Variants in NKAIN2 observed in about 807,000 individuals in gnomAD.
The protein encoded by NKAIN2 is sodium/potassium transporting ATPase interacting 2, also known as sodium/potassium-transporting ATPase subunit beta-1-interacting protein 2.
In NKAIN2, 14 loss-of-function variants were observed where a neutral mutation model predicts 32.6. The observed-to-expected ratio is 0.43, with a 90% CI of 0.28 to 0.67. The LOEUF is 0.67. Ranked by LOEUF, NKAIN2 falls within the 30% of genes least tolerant of loss-of-function variation. The pLI, the probability that NKAIN2 is intolerant of heterozygous loss-of-function variation, is 0.17. For synonymous variants in NKAIN2, 80 were observed against 87.2 expected (o/e 0.92, Z 0.46); for missense variants, 198 against 258.3 (o/e 0.77, Z 1.60).
intron 1 of NKAIN2, among the ~76,000 whole-genome samples, chr6:124,049,417 A>C (rs2114829211): frequency 6.6e-6 from 1 of 152,090 alleles, no homozygotes; most frequent in Non-Finnish European, 1.5e-5. Flanking sequence ...CCAGATGTTT[A>C]GAGCTCCCCC....
At chr6:123,915,108 T>C (rs956165917) in intron 1 of NKAIN2, among the ~76,000 whole-genome samples, 2 of 152,194 alleles carry the variant, frequency 1.3e-5, no homozygotes, top group Non-Finnish European at 2.9e-5. Context: ...GGTTAGGAGA[T>C]ATAATTGGAG....
At chr6:124,770,701 C>A (rs1029712599) in intron 4 of NKAIN2, among the ~76,000 whole-genome samples, 25 of 152,000 alleles carry the variant, frequency 1.6e-4, no homozygotes, top group Non-Finnish European at 7.4e-5. Context: ...TTCATTATTT[C>A]ACTTCTTATG....
In NKAIN2 at chr6:124,283,124, A is replaced by G. The variant is rs750231462; in HGVS notation, c.174A>G (p.Arg58=). Residue 58 remains arginine (R), a synonymous_variant, in exon 2 of 7, where the codon AGA becomes AGG. Transcript: ENST00000368417. ...ILGLFGTIQY[R]PRYITGYAVW... is the part of the protein sequence containing the mutation. ...GTTTGTTTGGAACTATTCAATATAG[A>G]CCTCGTTACATAACAGGAGTAAGTA... is the stretch of plus-strand genomic sequence containing the variant. 6.2e-7 allele frequency: 1 copy of G among 1,607,922 alleles called. No individual in the cohort carries two copies. The highest frequency in any genetic ancestry group is 8.5e-7 in the Non-Finnish European group (1 of 1,174,520).
chr6:124,276,831 G>A (rs1422700370), intron 1 of NKAIN2, among the ~76,000 whole-genome samples: 2 of 152,150 alleles, frequency 1.3e-5, no homozygotes, highest in African/African-American at 2.4e-5. Context: ...GAGCAGACAG[G>A]CCCAGAGCGT....
chr6:123,843,357 C>T (rs1219779717), intron 1 of NKAIN2, among the ~76,000 whole-genome samples: 2 of 152,100 alleles, frequency 1.3e-5, no homozygotes, highest in Admixed American at 1.3e-4. Context: ...AGATAATCTT[C>T]CCCTGGAGTT....
intron 3 of NKAIN2, among the ~76,000 whole-genome samples, chr6:124,385,917 T>C (rs1279333098): frequency 6.6e-6 from 1 of 152,170 alleles, no homozygotes; most frequent in Non-Finnish European, 1.5e-5. Context: ...ATATAGACTT[T>C]ATTTCTCAGC....
At chr6:124,805,690 C>T (rs923755830) in intron 5 of NKAIN2, among the ~76,000 whole-genome samples, 10 of 151,838 alleles carry the variant, frequency 6.6e-5, no homozygotes, top group East Asian at 1.9e-4. Context: ...GATCAAACTA[C>T]GAGCTACAGG....
intron 1 of NKAIN2, among the ~76,000 whole-genome samples, chr6:123,955,858 C>T (rs1366019106): frequency 2.0e-5 from 3 of 152,062 alleles, no homozygotes; most frequent in Admixed American, 6.6e-5. Context: ...AAATTCCTGA[C>T]CTCCAGCAGT....
At chr6:123,882,377 T>A (rs1562237113) in intron 1 of NKAIN2, among the ~76,000 whole-genome samples, 1 of 152,148 alleles carries the variant, frequency 6.6e-6, no homozygotes, top group Admixed American at 6.5e-5. Flanking sequence ...TAATGTCCTT[T>A]CAAACCACCC....
chr6:124,800,840 T>G (rs1434129952), intron 5 of NKAIN2, among the ~76,000 whole-genome samples: 1 of 152,136 alleles, frequency 6.6e-6, no homozygotes, highest in African/African-American at 2.4e-5. Flanking sequence ...TGCATTTGCT[T>G]GTTTGTTTGT....
chr6:124,567,795 CTT>C (rs1010375220), intron 3 of NKAIN2, among the ~76,000 whole-genome samples: 1 of 151,974 alleles, frequency 6.6e-6, no homozygotes, highest in Non-Finnish European at 1.5e-5. Flanking sequence ...ATATACTTCT[CTT>C]TTTTTTAATT....
At chr6:124,111,727 A>G (rs1055861452) in intron 1 of NKAIN2, among the ~76,000 whole-genome samples, 6 of 151,874 alleles carry the variant, frequency 4.0e-5, no homozygotes, top group African/African-American at 1.5e-4. Context: ...TATTATTCTT[A>G]CAGTACTTTT....
intron 4 of NKAIN2, among the ~76,000 whole-genome samples, chr6:124,676,160 A>G (rs1773346159): frequency 1.3e-5 from 2 of 152,014 alleles, no homozygotes; most frequent in Admixed American, 6.6e-5. Context: ...GTTGATTTCT[A>G]GCTTCATTCC....
chr6:124,706,053 A>G (rs1193493448), intron 4 of NKAIN2, among the ~76,000 whole-genome samples: 3 of 152,220 alleles, frequency 2.0e-5, no homozygotes, highest in African/African-American at 7.2e-5. Context: ...GATCACAATG[A>G]TAATGATTGT....
At chr6:124,754,314 G>T (rs1777860903) in intron 4 of NKAIN2, among the ~76,000 whole-genome samples, 1 of 152,006 alleles carries the variant, frequency 6.6e-6, no homozygotes, top group African/African-American at 2.4e-5. Flanking sequence ...TGAATTCCTT[G>T]TCTTATTTGA....
intron 3 of NKAIN2, among the ~76,000 whole-genome samples, chr6:124,523,064 A>C (rs2114801227): frequency 2.3e-5 from 2 of 87,950 alleles, no homozygotes; most frequent in South Asian, 5.6e-4. Flanking sequence ...AATGGCGTGA[A>C]CCCGGGAGGC....
rs59271484 is a variant in NKAIN2, at chr6:124,158,152, A to C, written c.55-124853A>C. On this transcript the variant is annotated intron_variant, in intron 1 of 6. Coordinates refer to ENST00000368417, the MANE Select transcript of NKAIN2 (RefSeq NM_001040214.3). ...ACAGTTCAAATGTCAAAGTGCCAGCAGGGCAGTTTTCTTCTGAGGCCTCTC... is the reference window on the plus strand; with the variant it reads ...ACAGTTCAAATGTCAAAGTGCCAGCCGGGCAGTTTTCTTCTGAGGCCTCTC... Among the ~76,000 whole-genome samples the C allele has an allele frequency of 5.3e-3, 808 of 152,288 alleles. 10 individuals carry two copies. The highest frequency in any genetic ancestry group is 0.016 in the African/African-American group (676 of 41,562).
At chr6:124,270,088 A>T (rs773686460) in intron 1 of NKAIN2, among the ~76,000 whole-genome samples, 11 of 152,172 alleles carry the variant, frequency 7.2e-5, no homozygotes, top group Non-Finnish European at 2.9e-5. Flanking sequence ...AGACACCAGC[A>T]TGCAGGTCAC....
chr6:124,111,430 G>A (rs568957207), intron 1 of NKAIN2, among the ~76,000 whole-genome samples: 49 of 151,980 alleles, frequency 3.2e-4, no homozygotes, highest in African/African-American at 1.0e-3. Context: ...TCTTCTTGAC[G>A]CATTGACCCT....
Sources: allele counts gnomAD v4.1 joint callset (sites outside exome capture counted in the v4.1 genomes callset), GRCh38; gene constraint gnomAD v4.1.1; transcripts MANE v1.5; gene names NCBI Gene and HGNC (gene_info 2026-07-23, HGNC 2026-07-21).